NAV3: variants seen among roughly 807,000 people sequenced by gnomAD.
The protein encoded by NAV3 is neuron navigator 3.
A neutral mutation model predicts 244.7 loss-of-function variants in NAV3; 87 were observed. That is an observed-to-expected ratio of 0.36 (90% CI 0.30 to 0.42). The LOEUF (loss-of-function observed/expected upper bound fraction) is 0.42, where lower values mean the gene tolerates loss of function less well. Ranked by LOEUF, NAV3 falls within the 20% of genes least tolerant of loss-of-function variation. The probability of loss-of-function intolerance (pLI) is 1.00; values close to 1 mark genes in which losing one functional copy is unlikely to be tolerated. For missense variants in NAV3, 2,663 were observed against 2,893.3 expected (o/e 0.92, Z 1.83); for synonymous variants, 1,126 against 1,042.2 (o/e 1.08, Z -1.55).
chr12:77,657,432 C>A (rs1213687583), intron 2 of NAV3, among the ~76,000 whole-genome samples: 1 of 152,004 alleles, frequency 6.6e-6, no homozygotes, highest in African/African-American at 2.4e-5. Flanking sequence ...CTGAATAGAC[C>A]AATAACAGGA....
intron 11 of NAV3, among the ~76,000 whole-genome samples, chr12:78,051,717 TGTAA>T (rs1882790143): frequency 1.3e-5 from 2 of 152,348 alleles, no homozygotes; most frequent in South Asian, 4.1e-4. Context: ...ATGTTGTGAT[TGTAA>T]AACTCTTAGA....
chr12:77,978,798 T>C (rs536816367), intron 5 of NAV3, among the ~76,000 whole-genome samples: 211 of 151,948 alleles, frequency 1.4e-3, no homozygotes, highest in African/African-American at 4.9e-3. Flanking sequence ...CTTCTGACCA[T>C]CCCAAATGCC....
intron 22 of NAV3, among the ~76,000 whole-genome samples, chr12:78,155,267 A>G (rs189054096): frequency 2.0e-5 from 3 of 152,142 alleles, no homozygotes; most frequent in Admixed American, 1.3e-4. Context: ...AGTGAGAAGA[A>G]GTGGTGTTTG....
At chr12:77,895,658 A>G (rs1008156018) in intron 1 of NAV3, among the ~76,000 whole-genome samples, 2 of 151,752 alleles carry the variant, frequency 1.3e-5, no homozygotes, top group Non-Finnish European at 2.9e-5. Flanking sequence ...TATCTGCATT[A>G]AATAGTTATC....
intron 2 of NAV3, among the ~76,000 whole-genome samples, chr12:77,652,149 G>A (rs1482072005): frequency 6.6e-6 from 1 of 152,112 alleles, no homozygotes; most frequent in Non-Finnish European, 1.5e-5. Context: ...CAGTGAAACT[G>A]GAAGTACTCA....
At chr12:77,640,602 A>T (rs1007836395) in intron 2 of NAV3, among the ~76,000 whole-genome samples, 1 of 152,174 alleles carries the variant, frequency 6.6e-6, no homozygotes, top group Non-Finnish European at 1.5e-5. Context: ...TAGTTCAATA[A>T]AAGAAATAAG....
chr12:77,669,451 G>A (rs1455812723), intron 2 of NAV3, among the ~76,000 whole-genome samples: 1 of 152,022 alleles, frequency 6.6e-6, no homozygotes, highest in East Asian at 1.9e-4. Flanking sequence ...GCTGTCTTCA[G>A]GAGACTCACC....
intron 12 of NAV3, among the ~76,000 whole-genome samples, chr12:78,066,731 G>T (rs1000152179): frequency 6.6e-6 from 1 of 151,862 alleles, no homozygotes; most frequent in Admixed American, 6.6e-5. Flanking sequence ...ATACATCATA[G>T]AAATTATTTT....
At chr12:78,125,148 T>C (rs1364409471) in intron 16 of NAV3, among the ~76,000 whole-genome samples, 1 of 152,126 alleles carries the variant, frequency 6.6e-6, no homozygotes, top group Non-Finnish European at 1.5e-5. Flanking sequence ...AATTAATTGA[T>C]CAGTAGAATG....
chr12:77,943,844 C>T (rs553828232), intron 3 of NAV3, among the ~76,000 whole-genome samples: 1 of 152,240 alleles, frequency 6.6e-6, no homozygotes, highest in East Asian at 1.9e-4. Flanking sequence ...TTTTTAATCA[C>T]GAATTGTTTT....
At chr12:78,124,654 A>C (rs1045592375) in intron 16 of NAV3, among the ~76,000 whole-genome samples, 1 of 151,950 alleles carries the variant, frequency 6.6e-6, no homozygotes, top group Non-Finnish European at 1.5e-5. Context: ...AAGTTTCACC[A>C]TGTTGGCCAG....
chr12:77,912,523 T>C (rs928936938), intron 1 of NAV3, among the ~76,000 whole-genome samples: 2 of 152,168 alleles, frequency 1.3e-5, no homozygotes, highest in African/African-American at 4.8e-5. Flanking sequence ...GTGATCTACA[T>C]ATACACATTT....
intron 12 of NAV3, among the ~76,000 whole-genome samples, chr12:78,086,053 G>GC (rs1278518482): frequency 5.3e-5 from 8 of 152,042 alleles, no homozygotes; most frequent in Non-Finnish European, 7.4e-5. Flanking sequence ...GATTGGGTAA[G>GC]TTACTTCACT....
chr12:77,727,821 C>T (rs999161353), intron 2 of NAV3, among the ~76,000 whole-genome samples: 4 of 151,780 alleles, frequency 2.6e-5, no homozygotes, highest in Non-Finnish European at 5.9e-5. Flanking sequence ...GAATTCAAGC[C>T]CAGGCAGTCT....
In NAV3 at chr12:77,963,148, T is replaced by TA. The variant is rs200573547; in HGVS notation, c.415-3074dup. Among the ~76,000 whole-genome samples the TA allele has an allele frequency of 1.4e-3, 217 of 152,210 alleles. 3 individuals carry two copies. The highest frequency in any genetic ancestry group is 0.011 in the Admixed American group (161 of 15,272). On this transcript the variant is annotated intron_variant, in intron 3 of 39. Transcript: ENST00000397909. Reference sequence around the variant, plus strand: ...CCAAAAAGTTTTAGAGGTTTTTAGTTAAAAAAATTGACATTAAATATGGAA... The same window carrying TA: ...CCAAAAAGTTTTAGAGGTTTTTAGTTAAAAAAAATTGACATTAAATATGGAA...
At chr12:77,712,660 A>G (rs1255547599) in intron 2 of NAV3, among the ~76,000 whole-genome samples, 2 of 152,284 alleles carry the variant, frequency 1.3e-5, no homozygotes, top group Non-Finnish European at 2.9e-5. Flanking sequence ...TGATAACTGC[A>G]GTAAGTCCCC....
chr12:77,574,372 T>C (rs1162914420), intron 2 of NAV3, among the ~76,000 whole-genome samples: 1 of 152,114 alleles, frequency 6.6e-6, no homozygotes, highest in African/African-American at 2.4e-5. Context: ...AATGACACAA[T>C]GAGTCACAGT....
chr12:77,938,597 C>T (rs1044241240), intron 1 of NAV3, among the ~76,000 whole-genome samples: 3 of 152,112 alleles, frequency 2.0e-5, no homozygotes, highest in Non-Finnish European at 4.4e-5. Context: ...ACTTTTTCTT[C>T]TGTGTTGTAA....
chr12:77,599,924 A>G (rs1321612468), intron 2 of NAV3, among the ~76,000 whole-genome samples: 4 of 151,930 alleles, frequency 2.6e-5, no homozygotes, highest in Non-Finnish European at 4.4e-5. Context: ...TTTTAGTCCA[A>G]TCCTCTCACA....
Sources: gnomAD v4.1 joint callset for allele counts (sites outside exome capture counted in the v4.1 genomes callset) on GRCh38, gnomAD v4.1.1 for gene constraint, MANE v1.5 for transcripts, NCBI Gene and HGNC (gene_info 2026-07-23, HGNC 2026-07-21) for gene names.